ADAMTSL1: variants seen among roughly 807,000 people sequenced by gnomAD.
ADAMTSL1 encodes ADAMTS-like protein 1.
ADAMTSL1 carries 126 observed loss-of-function variants against 201.8 expected under a neutral mutation model. The ratio of observed to expected loss-of-function variants is 0.62; its 90% CI spans 0.54 to 0.72. ADAMTSL1 has a LOEUF of 0.72. ADAMTSL1 is among the 30% of genes least tolerant of loss of function. The pLI is 0.00. For missense variants in ADAMTSL1, 2,679 were observed against 2,277.8 expected (o/e 1.18, Z -3.59); for synonymous variants, 1,121 against 903.4 (o/e 1.24, Z -4.32).
chr9:18,044,156 G>T lies in ADAMTSL1; in HGVS notation c.88-119706G>T, dbSNP rs534554974. On this transcript the variant is annotated intron_variant, in intron 1 of 29. Coordinates refer to the ADAMTSL1 transcript ENST00000680146. ...ATATTTCCTGTAGGGAATAGACTTT[G>T]ATCTAGTTTGGTCAGAGGAAATTCA... is the stretch of plus-strand genomic sequence containing the variant. 4.6e-5 allele frequency among the ~76,000 whole-genome samples: 7 copies of T among 151,790 alleles called. No individual in the cohort carries two copies. In the South Asian group the frequency reaches 8.4e-4, roughly 18 times the overall value.
intron 2 of ADAMTSL1, among the ~76,000 whole-genome samples, chr9:18,336,104 C>A (rs530973923): frequency 5.3e-5 from 8 of 152,064 alleles, no homozygotes; most frequent in African/African-American, 1.4e-4. Flanking sequence ...TTTACATAAG[C>A]CTTATCCCAA....
At chr9:18,443,877 C>G (rs2133465845) in intron 2 of ADAMTSL1, among the ~76,000 whole-genome samples, 1 of 152,318 alleles carries the variant, frequency 6.6e-6, no homozygotes, top group African/African-American at 2.4e-5. Context: ...TAGGCCACAA[C>G]AGAAATGGAC....
At chr9:18,684,681 C>G in intron 12 of ADAMTSL1, 35 bp from the exon 13 acceptor site, 1 of 1,603,348 alleles carries the variant, frequency 6.2e-7, no homozygotes. Context: ...TGGTTCTAAC[C>G]TCTTCTTTTG....
chr9:18,861,761 A>C (rs1056955082), intron 23 of ADAMTSL1, among the ~76,000 whole-genome samples: 3 of 152,136 alleles, frequency 2.0e-5, no homozygotes, highest in Admixed American at 2.0e-4. Flanking sequence ...AAGGCCAGAC[A>C]TCACTTGCCA....
rs374067772 is a variant in ADAMTSL1 at position 18,568,656 on chromosome 9, G to A, written c.238-5374G>A. Among the ~76,000 whole-genome samples, 4 of 152,012 alleles carry A rather than the reference G, an allele frequency of 2.6e-5. No homozygotes were observed. The East Asian group carries it at 5.8e-4, about 22-fold the overall frequency. On this transcript the variant is annotated intron_variant, in intron 3 of 28. Transcript: ENST00000380548. Reference sequence around the variant, plus strand: ...AACTGTTATGGAGAGTGAGTGATTAGGACAGTGTGGAGGGGCAGTATGGGG... The same window carrying A: ...AACTGTTATGGAGAGTGAGTGATTAAGACAGTGTGGAGGGGCAGTATGGGG...
intron 13 of ADAMTSL1, among the ~76,000 whole-genome samples, chr9:18,686,547 T>C (rs1400253853): frequency 6.6e-6 from 1 of 152,236 alleles, no homozygotes; most frequent in Non-Finnish European, 1.5e-5. Context: ...AAAGATGCTA[T>C]GTAATTAGAG....
intron 2 of ADAMTSL1, among the ~76,000 whole-genome samples, chr9:18,174,727 A>T (rs1022863308): frequency 1.5e-4 from 23 of 152,306 alleles, no homozygotes; most frequent in Middle Eastern, 3.4e-3. Flanking sequence ...GACATTATTT[A>T]AAGAATAATA....
chr9:18,741,554 C>T (rs969598159), intron 15 of ADAMTSL1, among the ~76,000 whole-genome samples: 5 of 152,198 alleles, frequency 3.3e-5, no homozygotes, highest in South Asian at 4.1e-4. Flanking sequence ...AAAGAACTAA[C>T]TCAAGGGAGT....
At chr9:18,318,541 C>T (rs2132840067) in intron 2 of ADAMTSL1, among the ~76,000 whole-genome samples, 1 of 152,272 alleles carries the variant, frequency 6.6e-6, no homozygotes, top group East Asian at 1.9e-4. Flanking sequence ...TGTTTAAAAA[C>T]ATTTTAGCAA....
intron 14 of ADAMTSL1, among the ~76,000 whole-genome samples, chr9:18,712,005 C>A (rs1263521716): frequency 2.0e-4 from 30 of 150,630 alleles, no homozygotes; most frequent in South Asian, 4.2e-4. Context: ...CTCACACGGC[C>A]GGGTACTCCA....
chr9:18,127,968 A>G lies in ADAMTSL1; in HGVS notation c.88-35894A>G, dbSNP rs150037750. 8.1e-4 allele frequency among the ~76,000 whole-genome samples: 123 copies of G among 152,304 alleles called. 1 individual carries two copies. The East Asian group carries it at 0.018, about 22-fold the overall frequency. On this transcript the variant is annotated intron_variant, in intron 1 of 29. Transcript: ENST00000680146. The stretch of plus-strand genomic sequence containing the variant: ...TTTCTTAGAAGAGGCATTTGCAAAT[A>G]GATTAAAGCTTAGGTGGTTGATAAT...
At chr9:18,580,960 A>AT (rs137968583) in intron 4 of ADAMTSL1, among the ~76,000 whole-genome samples, 21,990 of 147,480 alleles carry the variant, frequency 0.15, 1,932 homozygotes, top group Admixed American at 0.25. Context: ...TTTCAATTGC[A>AT]TTTTTTTTTT....
chr9:18,608,777 G>A (rs1441660764), intron 4 of ADAMTSL1, among the ~76,000 whole-genome samples: 1 of 152,066 alleles, frequency 6.6e-6, no homozygotes, highest in Non-Finnish European at 1.5e-5. Context: ...TTTCTCTTAG[G>A]ATTTTGTGAC....
intron 2 of ADAMTSL1, among the ~76,000 whole-genome samples, chr9:18,169,942 A>C (rs1300964272): frequency 6.6e-6 from 1 of 152,050 alleles, no homozygotes; most frequent in East Asian, 1.9e-4. Context: ...CTATAACTTG[A>C]GTTGGCTACC....
At chr9:18,212,684 T>C (rs1196374111) in intron 2 of ADAMTSL1, among the ~76,000 whole-genome samples, 1 of 152,220 alleles carries the variant, frequency 6.6e-6, no homozygotes, top group Non-Finnish European at 1.5e-5. Context: ...TATGAGAGGC[T>C]ACTACATCAT....
At chr9:18,012,041 G>T (rs138973898) in intron 1 of ADAMTSL1, among the ~76,000 whole-genome samples, 189 of 152,138 alleles carry the variant, frequency 1.2e-3, no homozygotes, top group African/African-American at 4.1e-3. Flanking sequence ...GAGTAAGAAG[G>T]TTCCTTCCAT....
intron 8 of ADAMTSL1, among the ~76,000 whole-genome samples, chr9:18,660,810 C>CT (rs11446181): frequency 0.087 from 13,209 of 151,502 alleles, 1,092 homozygotes; most frequent in African/African-American, 0.22. Context: ...TTTAAAAGGC[C>CT]TTTTTTTTAG....
chr9:18,452,065 C>T (rs1820427530), intron 2 of ADAMTSL1, among the ~76,000 whole-genome samples: 1 of 152,184 alleles, frequency 6.6e-6, no homozygotes, highest in African/African-American at 2.4e-5. Flanking sequence ...AGGCAAGTGC[C>T]ACCACGCCTG....
chr9:18,031,265 G>A (rs1820943250), intron 1 of ADAMTSL1, among the ~76,000 whole-genome samples: 1 of 152,140 alleles, frequency 6.6e-6, no homozygotes, highest in Non-Finnish European at 1.5e-5. Context: ...TCTCATCTGA[G>A]GAGGCTGGTG....
Sources: gnomAD v4.1 joint callset for allele counts (sites outside exome capture counted in the v4.1 genomes callset) on GRCh38, gnomAD v4.1.1 for gene constraint, MANE v1.5 for transcripts, NCBI Gene and HGNC (gene_info 2026-07-23, HGNC 2026-07-21) for gene names.